The following GOLGA1 variants were observed in gnomAD, a reference collection of about 807,000 sequenced individuals.
GOLGA1 encodes the protein golgin subfamily A member 1.
GOLGA1 carries 63 observed loss-of-function variants against 119.7 expected under a neutral mutation model. The observed-to-expected ratio is 0.53, with a 90% CI of 0.43 to 0.65. GOLGA1 has a LOEUF of 0.65. Ranked by LOEUF, GOLGA1 falls within the 30% of genes least tolerant of loss-of-function variation. The pLI, the probability that GOLGA1 is intolerant of heterozygous loss-of-function variation, is 0.00. For missense variants in GOLGA1, 798 were observed against 912.8 expected (o/e 0.87, Z 1.62); for synonymous variants, 318 against 333.4 (o/e 0.95, Z 0.50).
chr9:124,921,980 C>T (rs1480927312), intron 8 of GOLGA1, 88 bp from the exon 9 acceptor site: 7 of 1,123,408 alleles, frequency 6.2e-6, no homozygotes, highest in African/African-American at 3.1e-5. Flanking sequence ...GTAATCCCAA[C>T]ACTTTGGGAG....
chr9:124,922,325 T>C (rs1830587370), intron 8 of GOLGA1, among the ~76,000 whole-genome samples: 1 of 151,536 alleles, frequency 6.6e-6, no homozygotes, highest in South Asian at 2.1e-4. Flanking sequence ...GGTTGAGGCA[T>C]GCATATCGTT....
rs773702787 is a variant in GOLGA1, at chr9:124,890,417, C to T, written c.1469G>A (p.Arg490Gln). Residue 490 changes from arginine to glutamine, a missense_variant, in exon 16 of 23, where the codon CGG (arginine) becomes CAG (glutamine). Physicochemically the swap from Arg to Gln is conservative, Grantham distance 43. Coordinates refer to ENST00000373555, the MANE Select transcript of GOLGA1 (RefSeq NM_002077.4). Reference protein sequence around the residue: ...VAMAQALEEVRKQREEFQQQA... With the variant: ...VAMAQALEEVQKQREEFQQQA... ...TTGCTGGAACTCTTCCCTTTGCTTC[C>T]GCACCTCCTCCAGGGCTTGAGCCAT... is the stretch of plus-strand genomic sequence containing the variant. 79 of 1,613,380 alleles carry T rather than the reference C, an allele frequency of 4.9e-5. No homozygotes were observed. Among genetic ancestry groups the T allele is most frequent in the Admixed American group, 2.0e-4 (12 of 60,010 alleles).
At chr9:124,900,651 G>C (rs1332063474) in intron 12 of GOLGA1, 104 bp from the exon 13 acceptor site, 1 of 554,284 alleles carries the variant, frequency 1.8e-6, no homozygotes, top group African/African-American at 1.9e-5. Context: ...GTACATTATA[G>C]AAAAATGTAA....
Position 124,896,997 on chromosome 9 carries a change from C to T in GOLGA1, c.1407+1552G>A, listed in dbSNP as rs182737302. ...TAATGCCTGTGTCCCGCCTCACCAC[C>T]AGCCATGCTCTCCCCTGGCCACTAG... On this transcript the variant is annotated intron_variant, in intron 15 of 22. Coordinates refer to ENST00000373555, the MANE Select transcript of GOLGA1 (RefSeq NM_002077.4). Among the ~76,000 whole-genome samples the T allele has an allele frequency of 3.8e-4, 58 of 152,314 alleles. No individual in the cohort carries two copies. The East Asian group carries it at 0.011, about 29-fold the overall frequency.
In GOLGA1 at chr9:124,881,343, T is replaced by C. The variant is rs1332376252; in HGVS notation, c.2137-86A>G. 1.3e-6 allele frequency: 1 copy of C among 799,610 alleles called. No individual in the cohort carries two copies. The highest frequency in any genetic ancestry group is 2.3e-6 in the Non-Finnish European group (1 of 440,144). The allele number at this position is 799,610 out of a possible 1,614,324, so 49.5% of individuals were successfully genotyped here. On this transcript the variant is annotated intron_variant, in intron 21 of 22. Transcript: ENST00000373555. This position sits in a 1 kb window ranked among gnomAD's most constrained non-coding sequence, Gnocchi z 4.9. Reference sequence around the variant, plus strand: ...GGGGAGCTACGTGGCATTTCCTGCTTGCTTTGGTTAGCAGGACCAGGTGGT... The same window carrying C: ...GGGGAGCTACGTGGCATTTCCTGCTCGCTTTGGTTAGCAGGACCAGGTGGT...
chr9:124,881,825 T>C lies in GOLGA1; in HGVS notation c.2095A>G (p.Lys699Glu), dbSNP rs2131355093. 6.2e-7 allele frequency: 1 copy of C among 1,612,680 alleles called. No homozygotes were observed. ...GACATGAATTTTAAAACCACATGTTTAAGGTACTCAAAGTTGATCTCGCGG... is the reference window on the plus strand; with the variant it reads ...GACATGAATTTTAAAACCACATGTTCAAGGTACTCAAAGTTGATCTCGCGG... ...DAREINFEYL[K>E]HVVLKFMSCR... The change falls in exon 21 of 23, where the codon AAA (lysine) becomes GAA (glutamate). Residue 699 changes from lysine to glutamate, a missense_variant. Transcript: ENST00000373555. This position sits in a 1 kb window ranked among gnomAD's most constrained non-coding sequence, Gnocchi z 4.9.
At chr9:124,918,669 T>C (rs560855362) in intron 10 of GOLGA1, among the ~76,000 whole-genome samples, 2 of 152,220 alleles carry the variant, frequency 1.3e-5, no homozygotes, top group Admixed American at 6.5e-5. Flanking sequence ...GGTGGGAGGA[T>C]TGCTTGAGCC....
At chr9:124,923,888 C>T (rs1472179047) in intron 7 of GOLGA1, among the ~76,000 whole-genome samples, 1 of 152,212 alleles carries the variant, frequency 6.6e-6, no homozygotes, top group Non-Finnish European at 1.5e-5. Context: ...CAGAGTCTCA[C>T]TCTGTTGCCC....
Position 124,888,295 on chromosome 9 carries a change from C to G in GOLGA1, c.1863G>C (p.Lys621Asn), listed in dbSNP as rs1023316762. ...VGAMDLTQLQ[K>N]EKQDLEQQLL... ...GTTGCTGCTCCAAGTCCTGTTTCTC[C>G]TTCTGTAGCTGTGTGAGATCCATGG... is the stretch of plus-strand genomic sequence containing the variant. Residue 621 changes from lysine (K) to asparagine (N), a missense_variant, in exon 19 of 23, where the codon AAG becomes AAC. Coordinates refer to ENST00000373555, the MANE Select transcript of GOLGA1 (RefSeq NM_002077.4). This position sits in a 1 kb window ranked among gnomAD's most constrained non-coding sequence, Gnocchi z 4.4. 5 of 1,614,112 alleles carry G rather than the reference C, an allele frequency of 3.1e-6. No homozygotes were observed. The highest frequency in any genetic ancestry group is 3.4e-6 in the Non-Finnish European group (4 of 1,179,956).
intron 2 of GOLGA1, among the ~76,000 whole-genome samples, chr9:124,939,476 T>C (rs778135168): frequency 4.6e-5 from 7 of 151,826 alleles, no homozygotes; most frequent in Non-Finnish European, 1.0e-4. Flanking sequence ...CTGATATCCT[T>C]GAACATTTTC....
chr9:124,883,389 G>T (rs1341764399), intron 19 of GOLGA1, among the ~76,000 whole-genome samples: 1 of 152,002 alleles, frequency 6.6e-6, no homozygotes. Context: ...GGGTTCAAAC[G>T]ATTCTCCTGT....
intron 19 of GOLGA1, among the ~76,000 whole-genome samples, chr9:124,883,802 G>C (rs1452342434): frequency 6.6e-6 from 1 of 151,660 alleles, no homozygotes; most frequent in African/African-American, 2.4e-5. Context: ...GCTGGATTCA[G>C]TCTTTGAACT....
At chr9:124,915,616 G>A (rs1358061124) in intron 10 of GOLGA1, among the ~76,000 whole-genome samples, 2 of 152,026 alleles carry the variant, frequency 1.3e-5, no homozygotes, top group Non-Finnish European at 2.9e-5. Context: ...GTGAGAGGCC[G>A]AGGCAGGAGG....
chr9:124,890,616 T>C (rs900435613), intron 15 of GOLGA1, 138 bp from the exon 16 acceptor site: 2 of 721,292 alleles, frequency 2.8e-6, no homozygotes, highest in South Asian at 2.9e-5. Flanking sequence ...GCTCCCAGCC[T>C]GGCCCCTCCC....
chr9:124,910,696 T>C (rs1830322520), intron 11 of GOLGA1, among the ~76,000 whole-genome samples: 1 of 151,818 alleles, frequency 6.6e-6, no homozygotes, highest in East Asian at 1.9e-4. Flanking sequence ...CAGCAGGAGG[T>C]GAGTGGTGAG....
Position 124,936,894 on chromosome 9 carries a change from G to A in GOLGA1, c.135+1683C>T, listed in dbSNP as rs1445098802. Among the ~76,000 whole-genome samples the A allele has an allele frequency of 2.6e-5, 4 of 152,090 alleles. No homozygotes were observed. The South Asian group carries it at 6.2e-4, about 24-fold the overall frequency. On this transcript the variant is annotated intron_variant, in intron 3 of 22. Coordinates refer to ENST00000373555, the MANE Select transcript of GOLGA1 (RefSeq NM_002077.4). ...ACTTTTATAACTTCAAAAACAAGCAGTATTAAATAATAAATTGTTTATGAA... is the reference window on the plus strand; with the variant it reads ...ACTTTTATAACTTCAAAAACAAGCAATATTAAATAATAAATTGTTTATGAA...
rs1829783526 is a variant in GOLGA1 at position 124,888,705 on chromosome 9, T to C, written c.1762-309A>G. Among the ~76,000 whole-genome samples, 1 of 152,040 alleles carries C rather than the reference T, an allele frequency of 6.6e-6. No homozygotes were observed. The highest frequency in any genetic ancestry group is 1.5e-5 in the Non-Finnish European group (1 of 67,986). ...GTGCCCTACTTTATTTATTTATCTA[T>C]TTATTTATTTATTGAGACGGAGTCT... On this transcript the variant is annotated intron_variant, in intron 18 of 22. Transcript: ENST00000373555. The surrounding 1 kb of genome is among the most constrained non-coding windows in gnomAD (Gnocchi z 4.4).
At chr9:124,912,138 A>G in intron 10 of GOLGA1, 112 bp from the exon 11 acceptor site, 2 of 873,470 alleles carry the variant, frequency 2.3e-6, no homozygotes, top group South Asian at 1.7e-5. Flanking sequence ...TGTATCCTAG[A>G]AGAACAAACA....
chr9:124,896,056 T>C (rs1829981074), intron 15 of GOLGA1, among the ~76,000 whole-genome samples: 1 of 152,214 alleles, frequency 6.6e-6, no homozygotes, highest in South Asian at 2.1e-4. Context: ...AAACTCTGAG[T>C]TATACAAACC....
Sources: allele counts gnomAD v4.1 joint callset (sites outside exome capture counted in the v4.1 genomes callset), GRCh38; gene constraint gnomAD v4.1.1; non-coding constraint Gnocchi (gnomAD v3.1); transcripts MANE v1.5; gene names NCBI Gene and HGNC (gene_info 2026-07-23, HGNC 2026-07-21).